Variants in QTMAN observed in about 807,000 individuals in gnomAD.
QTMAN encodes tRNA-queuosine alpha-mannosyltransferase.
At chr2:143,972,382 T>C in the QTMAN span, among the ~76,000 whole-genome samples, 1 of 152,108 alleles carries the variant, frequency 6.6e-6, no homozygotes, top group Non-Finnish European at 1.5e-5. Context: ...ATTTTTCATT[T>C]TGAGTTCCAA....
the QTMAN span, among the ~76,000 whole-genome samples, chr2:144,170,615 G>A: frequency 6.6e-6 from 1 of 152,094 alleles, no homozygotes; most frequent in African/African-American, 2.4e-5. Context: ...TATCTGACAG[G>A]AAGGGAGATA....
chr2:143,961,666 T>C, the QTMAN span, among the ~76,000 whole-genome samples: 3 of 152,090 alleles, frequency 2.0e-5, no homozygotes, highest in African/African-American at 7.2e-5. Context: ...ATTCCAGAAC[T>C]CATTATCTTC....
chr2:144,183,611 A>C, the QTMAN span, among the ~76,000 whole-genome samples: 2 of 152,208 alleles, frequency 1.3e-5, no homozygotes, highest in Non-Finnish European at 2.9e-5. Context: ...TAATCACATT[A>C]AAGCATCATA....
At chr2:144,236,439 T>C in the QTMAN span, among the ~76,000 whole-genome samples, 1 of 152,144 alleles carries the variant, frequency 6.6e-6, no homozygotes, top group Non-Finnish European at 1.5e-5. Flanking sequence ...ACTTTTCCTG[T>C]TCTGTGTATA....
the QTMAN span, among the ~76,000 whole-genome samples, chr2:144,218,200 C>A: frequency 1.3e-5 from 2 of 152,140 alleles, no homozygotes; most frequent in Admixed American, 6.5e-5. Context: ...CTCTCATAGG[C>A]AGAATTTTAT....
At chr2:144,319,392 C>T in the QTMAN span, among the ~76,000 whole-genome samples, 1 of 151,964 alleles carries the variant, frequency 6.6e-6, no homozygotes, top group African/African-American at 2.4e-5. Flanking sequence ...AGTGAGATAA[C>T]CCAATACTAA....
At chr2:144,328,386 T>C in the QTMAN span, among the ~76,000 whole-genome samples, 1 of 152,234 alleles carries the variant, frequency 6.6e-6, no homozygotes, top group Non-Finnish European at 1.5e-5. Context: ...TCTATAACTA[T>C]TTTGAAATAT....
At chr2:143,962,805 T>C in the QTMAN span, among the ~76,000 whole-genome samples, 2 of 152,172 alleles carry the variant, frequency 1.3e-5, no homozygotes, top group African/African-American at 2.4e-5. Flanking sequence ...ATTATTTCCA[T>C]GGGATACATT....
chr2:144,007,091 A>G, the QTMAN span: 2 of 784,064 alleles, frequency 2.6e-6, no homozygotes, highest in Non-Finnish European at 4.0e-6. Context: ...TTCTAAAGCA[A>G]TAAGAAGAAC....
At chr2:143,977,988 T>C in the QTMAN span, among the ~76,000 whole-genome samples, 2 of 152,202 alleles carry the variant, frequency 1.3e-5, no homozygotes, top group Admixed American at 1.3e-4. Flanking sequence ...ATCTTCAAAA[T>C]ACTCCTTTAC....
chr2:144,105,417 A>G, the QTMAN span, among the ~76,000 whole-genome samples: 2 of 152,352 alleles, frequency 1.3e-5, no homozygotes, highest in African/African-American at 4.8e-5. Context: ...AAATGACCTG[A>G]TGCAGCTAAA....
chr2:144,083,624 T>G, the QTMAN span, among the ~76,000 whole-genome samples: 2 of 152,236 alleles, frequency 1.3e-5, no homozygotes, highest in African/African-American at 4.8e-5. Context: ...TGAAAATGTA[T>G]GCAGTGATCC....
At chr2:144,252,764 GA>G in the QTMAN span, among the ~76,000 whole-genome samples, 1 of 152,064 alleles carries the variant, frequency 6.6e-6, no homozygotes, top group Non-Finnish European at 1.5e-5. Flanking sequence ...CAAATGAGTA[GA>G]AAACTTACAT....
the QTMAN span, among the ~76,000 whole-genome samples, chr2:144,297,577 C>CTTTT: frequency 1.6e-4 from 19 of 119,300 alleles, 1 homozygote; most frequent in African/African-American, 2.6e-4. Flanking sequence ...AGGATTCCGT[C>CTTTT]TTTTTTTTTT....
chr2:143,952,469 T>TA, the QTMAN span, among the ~76,000 whole-genome samples: 5 of 151,398 alleles, frequency 3.3e-5, no homozygotes, highest in Admixed American at 1.3e-4. Flanking sequence ...TGTGTATCAT[T>TA]AAAAAAAATC....
chr2:144,328,362 A>G, the QTMAN span, among the ~76,000 whole-genome samples: 33 of 152,334 alleles, frequency 2.2e-4, 1 homozygote, highest in South Asian at 6.8e-3. Context: ...GTCTGATTCT[A>G]TATCCTAACT....
the QTMAN span, among the ~76,000 whole-genome samples, chr2:144,263,272 A>C: frequency 6.6e-6 from 1 of 152,000 alleles, no homozygotes; most frequent in Non-Finnish European, 1.5e-5. Context: ...CTGCCAATTT[A>C]AGTTTTAATA....
At chr2:144,309,387 A>G in the QTMAN span, among the ~76,000 whole-genome samples, 3 of 152,220 alleles carry the variant, frequency 2.0e-5, no homozygotes, top group Non-Finnish European at 4.4e-5. Context: ...GAACAGATAC[A>G]TGGATAAGCA....
At chr2:144,287,923 C>T in the QTMAN span, among the ~76,000 whole-genome samples, 22 of 151,986 alleles carry the variant, frequency 1.4e-4, no homozygotes, top group Non-Finnish European at 2.9e-5. Flanking sequence ...GGTGCGATCT[C>T]GGCTCACTGC....
Sources: gnomAD v4.1 joint callset for allele counts (sites outside exome capture counted in the v4.1 genomes callset) on GRCh38, gnomAD v4.1.1 for gene constraint, MANE v1.5 for transcripts, NCBI Gene and HGNC (gene_info 2026-07-23, HGNC 2026-07-21) for gene names.